The following SAXO1 variants were observed in gnomAD, a reference collection of about 807,000 sequenced individuals.
SAXO1 encodes the protein stabilizer of axonemal microtubules 1, also known as 4930500O09Rik.
SAXO1 carries 21 observed loss-of-function variants against 17.5 expected under a neutral mutation model. The observed-to-expected ratio is 1.20, with a 90% CI of 0.85 to 1.72. SAXO1 has a LOEUF of 1.72. SAXO1 is among the 40% of genes most tolerant of loss of function. The pLI, the probability that SAXO1 is intolerant of heterozygous loss-of-function variation, is 0.00. For missense variants in SAXO1, 843 were observed against 596.0 expected, an observed-to-expected ratio of 1.41 and a Z score of -4.32; for synonymous variants, 274 against 216.5, an observed-to-expected ratio of 1.27 and a Z score of -2.33.
At chr9:18,932,032 T>C (rs190880563) in intron 3 of SAXO1, among the ~76,000 whole-genome samples, 14 of 152,274 alleles carry the variant, frequency 9.2e-5, no homozygotes, top group Non-Finnish European at 1.9e-4. Context: ...TAATGGTGTC[T>C]TTCTAAGTGC....
chr9:18,932,960 C>G (rs1831119794), intron 3 of SAXO1, among the ~76,000 whole-genome samples: 1 of 152,140 alleles, frequency 6.6e-6, no homozygotes, highest in Admixed American at 6.5e-5. Context: ...ATCATGTTGT[C>G]TGAGAATAAA....
At chr9:19,022,060 G>C (rs1173367500) in intron 1 of SAXO1, among the ~76,000 whole-genome samples, 2 of 152,168 alleles carry the variant, frequency 1.3e-5, no homozygotes, top group South Asian at 2.1e-4. Context: ...TCACTCCTTG[G>C]GTCCGCACTA....
At chr9:19,010,454 T>C (rs1487424647) in intron 1 of SAXO1, among the ~76,000 whole-genome samples, 1 of 151,684 alleles carries the variant, frequency 6.6e-6, no homozygotes, top group African/African-American at 2.4e-5. Flanking sequence ...AAATATCCCA[T>C]GTAACCAGGT....
At chr9:19,042,564 T>C (rs1428471923) in intron 1 of SAXO1, among the ~76,000 whole-genome samples, 3 of 152,160 alleles carry the variant, frequency 2.0e-5, no homozygotes, top group South Asian at 2.1e-4. Context: ...AACAGATAAA[T>C]AGATATAGAA....
intron 1 of SAXO1, chr9:19,027,605 C>T: frequency 7.0e-6 from 10 of 1,430,830 alleles, no homozygotes; most frequent in Non-Finnish European, 9.9e-6. Flanking sequence ...CCAGCTGGTG[C>T]AGATGTTCAC....
chr9:18,997,971 A>G (rs1834081492), intron 1 of SAXO1, among the ~76,000 whole-genome samples: 1 of 152,250 alleles, frequency 6.6e-6, no homozygotes, highest in African/African-American at 2.4e-5. Flanking sequence ...GGTCACCAAC[A>G]TCAAAGACCA....
At chr9:19,043,932 A>G (rs185810100) in intron 1 of SAXO1, among the ~76,000 whole-genome samples, 35 of 152,082 alleles carry the variant, frequency 2.3e-4, no homozygotes, top group Non-Finnish European at 3.1e-4. Flanking sequence ...ATCACCTGAG[A>G]TCGGGAGTTC....
At chr9:18,991,090 T>A (rs778375503) in intron 1 of SAXO1, among the ~76,000 whole-genome samples, 6 of 152,066 alleles carry the variant, frequency 3.9e-5, no homozygotes, top group Non-Finnish European at 7.4e-5. Flanking sequence ...AAACCCTGTC[T>A]CTACCAAAAA....
Position 18,978,531 on chromosome 9 carries a change from T to A in SAXO1, c.39-27594A>T, listed in dbSNP as rs922846160. ...CTGCTTTATAAACAATCTCACATTT[T>A]AATAAGAGCCATTGTGCAAGGTGAG... is the stretch of plus-strand genomic sequence containing the variant. On this transcript the variant is annotated intron_variant, in intron 1 of 3. Transcript: ENST00000380534. 7.2e-5 allele frequency among the ~76,000 whole-genome samples: 11 copies of A among 152,328 alleles called. No homozygotes were observed. The East Asian group carries it at 2.1e-3, about 29-fold the overall frequency.
rs151220654 is a variant in SAXO1 at position 18,948,636 on chromosome 9, G to T, written c.218+2122C>A. On this transcript the variant is annotated intron_variant, in intron 2 of 3. Transcript: ENST00000380534. ...TTTTTGTTTAGCGAAGCACCATCAG[G>T]AGGAGGGAGGGTACCTGGAGTTGCA... 2.0e-3 allele frequency among the ~76,000 whole-genome samples: 299 copies of T among 152,248 alleles called. 1 individual carries two copies. Among genetic ancestry groups the T allele is most frequent in the African/African-American group, 6.9e-3 (285 of 41,538 alleles).
chr9:19,048,671 C>T (rs1836279233), intron 1 of SAXO1, among the ~76,000 whole-genome samples: 1 of 152,232 alleles, frequency 6.6e-6, no homozygotes, highest in Non-Finnish European at 1.5e-5. Flanking sequence ...TCCATTTCAT[C>T]ATTTAGTATC....
intron 1 of SAXO1, among the ~76,000 whole-genome samples, chr9:18,983,089 A>C (rs1027004673): frequency 1.3e-5 from 2 of 151,624 alleles, no homozygotes; most frequent in Non-Finnish European, 2.9e-5. Flanking sequence ...AAAGGAAAGG[A>C]AAAAAAAAGG....
At chr9:18,947,545 C>T (rs1002300250) in intron 2 of SAXO1, 4 of 152,262 alleles carry the variant, frequency 2.6e-5, no homozygotes, top group Non-Finnish European at 5.9e-5. Flanking sequence ...GAAGACTCAC[C>T]TCTTTCTTCT....
chr9:18,979,354 G>C (rs1253028387), intron 1 of SAXO1, among the ~76,000 whole-genome samples: 4 of 152,208 alleles, frequency 2.6e-5, no homozygotes, highest in Non-Finnish European at 1.5e-5. Context: ...TGTGAGGGTA[G>C]AAAAATGTGT....
At chr9:19,008,215 C>T (rs1174522815) in intron 1 of SAXO1, among the ~76,000 whole-genome samples, 5 of 152,064 alleles carry the variant, frequency 3.3e-5, no homozygotes, top group African/African-American at 9.7e-5. Context: ...TAAGCTCAAG[C>T]GATCTGCCCA....
intron 1 of SAXO1, among the ~76,000 whole-genome samples, chr9:18,977,099 A>T (rs1833183219): frequency 6.6e-6 from 1 of 152,220 alleles, no homozygotes. Flanking sequence ...CCACTGAAAC[A>T]TCCCTATGGA....
chr9:18,998,249 C>G (rs1390158122), intron 1 of SAXO1, among the ~76,000 whole-genome samples: 1 of 151,978 alleles, frequency 6.6e-6, no homozygotes, highest in East Asian at 1.9e-4. Flanking sequence ...ACTAGAATAA[C>G]CTATGTAGAG....
intron 1 of SAXO1, among the ~76,000 whole-genome samples, chr9:19,046,700 C>A: frequency 7.6e-6 from 1 of 131,424 alleles, no homozygotes. Context: ...AAAACTTCGT[C>A]TCAGAAAAAA....
At chr9:18,996,787 G>C (rs762272502) in intron 1 of SAXO1, among the ~76,000 whole-genome samples, 4 of 151,984 alleles carry the variant, frequency 2.6e-5, no homozygotes, top group Non-Finnish European at 4.4e-5. Context: ...AACAAGATAA[G>C]GATCCCCACA....
Sources: gnomAD v4.1 joint callset for allele counts (sites outside exome capture counted in the v4.1 genomes callset) on GRCh38, gnomAD v4.1.1 for gene constraint, MANE v1.5 for transcripts, NCBI Gene and HGNC (gene_info 2026-07-23, HGNC 2026-07-21) for gene names.